CA10: variants seen among roughly 807,000 people sequenced by gnomAD.
The protein encoded by CA10 is carbonic anhydrase-related protein 10.
In CA10, 14 loss-of-function variants were observed where a neutral mutation model predicts 44.2. The ratio of observed to expected loss-of-function variants is 0.32; its 90% CI spans 0.21 to 0.50. The LOEUF (loss-of-function observed/expected upper bound fraction) is 0.50. Ranked by LOEUF, CA10 falls within the 20% of genes least tolerant of loss-of-function variation. The pLI, the probability that CA10 is intolerant of heterozygous loss-of-function variation, is 0.99. For synonymous variants in CA10, 159 were observed against 141.6 expected, an observed-to-expected ratio of 1.12 and a Z score of -0.87; for missense variants, 350 against 409.7, an observed-to-expected ratio of 0.85 and a Z score of 1.26.
Position 52,141,290 on chromosome 17 carries a change from AG to A in CA10, c.61+16435del, listed in dbSNP as rs1219612685. Among the ~76,000 whole-genome samples the A allele has an allele frequency of 1.1e-4, 17 of 152,312 alleles. 1 individual carries two copies. In the Middle Eastern group the frequency reaches 0.027, roughly 244 times the overall value. ...CTTGTTTTTGGTTTCTGACAGTAGAAGGTGCTTGAAGCATTACTTTGGGGTA... is the reference window on the plus strand; with the variant it reads ...CTTGTTTTTGGTTTCTGACAGTAGAAGTGCTTGAAGCATTACTTTGGGGTA... On this transcript the variant is annotated intron_variant, in intron 1 of 8. Transcript: ENST00000451037.
In CA10 at chr17:51,712,347, C is replaced by A. The variant is rs533555614; in HGVS notation, c.465+35286G>T. Among the ~76,000 whole-genome samples the A allele has an allele frequency of 2.0e-5, 3 of 152,276 alleles. No individual in the cohort carries two copies. The East Asian group carries it at 5.8e-4, about 29-fold the overall frequency. ...TAATGATGCCTTGTACCTCAGTTGTCCAATCTTTAAAATAGGGAAAAATCA... is the reference window on the plus strand; with the variant it reads ...TAATGATGCCTTGTACCTCAGTTGTACAATCTTTAAAATAGGGAAAAATCA... On this transcript the variant is annotated intron_variant, in intron 4 of 8. Coordinates refer to ENST00000451037, the MANE Select transcript of CA10 (RefSeq NM_020178.5).
chr17:51,848,587 T>C (rs1200329655), intron 3 of CA10, among the ~76,000 whole-genome samples: 2 of 152,220 alleles, frequency 1.3e-5, no homozygotes, highest in South Asian at 4.1e-4. Context: ...CATCTATTCA[T>C]TGATTCACTC....
intron 4 of CA10, among the ~76,000 whole-genome samples, chr17:51,680,075 AT>A (rs1285608176): frequency 2.0e-5 from 3 of 152,282 alleles, no homozygotes; most frequent in Non-Finnish European, 4.4e-5. Context: ...GAAGCCTAAC[AT>A]GTTTACTATC....
intron 3 of CA10, among the ~76,000 whole-genome samples, chr17:51,788,844 C>G (rs534789091): frequency 1.6e-4 from 24 of 152,268 alleles, no homozygotes; most frequent in African/African-American, 5.8e-4. Flanking sequence ...CCACAAGCCT[C>G]AGTTTCCTCC....
chr17:51,636,397 A>T (rs925467904), intron 6 of CA10, among the ~76,000 whole-genome samples: 1 of 152,076 alleles, frequency 6.6e-6, no homozygotes, highest in African/African-American at 2.4e-5. Context: ...GGTTCTTAAA[A>T]CTTCCATCCC....
chr17:51,717,719 GTA>G (rs1567815346), intron 4 of CA10, among the ~76,000 whole-genome samples: 29 of 17,136 alleles, frequency 1.7e-3, no homozygotes, highest in African/African-American at 5.2e-3. Context: ...ACATATATAC[GTA>G]TATATACATA....
intron 3 of CA10, among the ~76,000 whole-genome samples, chr17:51,901,685 C>G (rs1981324443): frequency 6.6e-6 from 1 of 152,118 alleles, no homozygotes; most frequent in African/African-American, 2.4e-5. Flanking sequence ...GCACTCTAGT[C>G]TGGGTGACAG....
chr17:51,640,938 C>T (rs1196485711), intron 6 of CA10, among the ~76,000 whole-genome samples: 1 of 152,018 alleles, frequency 6.6e-6, no homozygotes, highest in Non-Finnish European at 1.5e-5. Context: ...GTAAGGATGG[C>T]AAAGATCTAG....
intron 1 of CA10, among the ~76,000 whole-genome samples, chr17:52,073,201 A>C (rs1440846723): frequency 6.6e-6 from 1 of 152,156 alleles, no homozygotes; most frequent in East Asian, 1.9e-4. Context: ...ATTAATGTTA[A>C]ATCTTAACTT....
chr17:52,099,937 A>G (rs1426346853), intron 1 of CA10, among the ~76,000 whole-genome samples: 1 of 152,234 alleles, frequency 6.6e-6, no homozygotes, highest in African/African-American at 2.4e-5. Flanking sequence ...TACATAGATC[A>G]GTGGTGACCT....
intron 3 of CA10, among the ~76,000 whole-genome samples, chr17:51,824,405 A>T (rs1907932338): frequency 6.6e-6 from 1 of 152,196 alleles, no homozygotes; most frequent in African/African-American, 2.4e-5. Context: ...ACAATTTCAA[A>T]AGGCACCAAC....
chr17:51,795,683 T>A (rs774563710), intron 3 of CA10, among the ~76,000 whole-genome samples: 1 of 152,088 alleles, frequency 6.6e-6, no homozygotes, highest in Non-Finnish European at 1.5e-5. Context: ...CCAAGTGCCT[T>A]TACTAAAAAT....
chr17:51,863,317 T>C lies in CA10; in HGVS notation c.279+67673A>G, dbSNP rs563400314. Among the ~76,000 whole-genome samples, 30 of 152,354 alleles carry C rather than the reference T, an allele frequency of 2.0e-4. No individual in the cohort carries two copies. The South Asian group carries it at 6.2e-3, about 32-fold the overall frequency. ...CCTAGCCCCTGCCTTGCTTTGCTAA[T>C]TAGTAGTTATGCTTAAATCCAGCTC... On this transcript the variant is annotated intron_variant, in intron 3 of 8. Transcript: ENST00000451037.
intron 3 of CA10, among the ~76,000 whole-genome samples, chr17:51,841,747 C>T (rs1978321027): frequency 6.6e-6 from 1 of 152,154 alleles, no homozygotes; most frequent in East Asian, 1.9e-4. Flanking sequence ...CTGGACTTAA[C>T]CAGCTTAAAT....
chr17:51,766,347 A>G (rs1024444616), intron 3 of CA10, among the ~76,000 whole-genome samples: 4 of 152,184 alleles, frequency 2.6e-5, no homozygotes, highest in Admixed American at 6.5e-5. Flanking sequence ...CCAGCATGCT[A>G]TCTAACCATG....
intron 2 of CA10, among the ~76,000 whole-genome samples, chr17:51,945,402 G>A (rs1983235877): frequency 6.6e-6 from 1 of 152,064 alleles, no homozygotes; most frequent in Non-Finnish European, 1.5e-5. Flanking sequence ...AAGAAAAACC[G>A]AAAACGATGG....
intron 3 of CA10, among the ~76,000 whole-genome samples, chr17:51,891,891 C>G (rs1023198816): frequency 6.6e-6 from 1 of 152,194 alleles, no homozygotes; most frequent in Admixed American, 6.5e-5. Context: ...AGACTGTCAC[C>G]TACATCTCAC....
At chr17:52,068,732 TA>T (rs1282789872) in intron 2 of CA10, among the ~76,000 whole-genome samples, 1 of 152,206 alleles carries the variant, frequency 6.6e-6, no homozygotes, top group Admixed American at 6.5e-5. Flanking sequence ...CCATAGAAGA[TA>T]TGGGTTTTTC....
chr17:51,652,658 G>A (rs547975160), intron 5 of CA10, among the ~76,000 whole-genome samples: 69 of 152,326 alleles, frequency 4.5e-4, no homozygotes, highest in African/African-American at 1.2e-3. Flanking sequence ...CCTATGGCAC[G>A]GGGTAATTCT....
Sources: allele counts gnomAD v4.1 joint callset (sites outside exome capture counted in the v4.1 genomes callset), GRCh38; gene constraint gnomAD v4.1.1; transcripts MANE v1.5; gene names NCBI Gene and HGNC (gene_info 2026-07-23, HGNC 2026-07-21).